C1orf167: variants seen among roughly 807,000 people sequenced by gnomAD.
C1orf167 encodes the protein chromosome 1 open reading frame 167, also known as uncharacterized protein C1orf167.
A neutral mutation model predicts 176.5 loss-of-function variants in C1orf167; 153 were observed. That is an observed-to-expected ratio of 0.87 (90% confidence interval 0.76 to 0.99). The LOEUF is 0.99. Among genes scored for constraint, C1orf167 ranks in the 50% least tolerant of loss-of-function variants. The pLI is 0.00. For missense variants in C1orf167, 1,490 were observed against 1,817.7 expected, an observed-to-expected ratio of 0.82 and a Z score of 3.28; for synonymous variants, 594 against 752.7, an observed-to-expected ratio of 0.79 and a Z score of 3.45.
At chr1:11,779,477 G>T (rs564971269) in intron 12 of C1orf167, 7 of 226,214 alleles carry the variant, frequency 3.1e-5, no homozygotes, top group Non-Finnish European at 6.3e-5. Context: ...GGGCAATGGC[G>T]AGGCACGGCA....
intron 14 of C1orf167, among the ~76,000 whole-genome samples, chr1:11,782,660 C>T (rs542276060): frequency 2.6e-5 from 4 of 152,206 alleles, no homozygotes; most frequent in African/African-American, 7.2e-5. Flanking sequence ...GTGGATCATA[C>T]CTATAATCCC....
At chr1:11,774,492 T>C (rs1484834332) in intron 8 of C1orf167, among the ~76,000 whole-genome samples, 1 of 152,232 alleles carries the variant, frequency 6.6e-6, no homozygotes, top group Non-Finnish European at 1.5e-5. Context: ...CTGTGAGAAT[T>C]TTTAGTGCAG....
chr1:11,772,733 A>G (rs1405157926), intron 8 of C1orf167, among the ~76,000 whole-genome samples: 3 of 152,182 alleles, frequency 2.0e-5, no homozygotes, highest in Non-Finnish European at 4.4e-5. Context: ...ACCTCTGCCC[A>G]TCATCACAGT....
At chr1:11,765,214 T>C (rs540102867) in intron 2 of C1orf167, among the ~76,000 whole-genome samples, 1 of 152,244 alleles carries the variant, frequency 6.6e-6, no homozygotes, top group Admixed American at 6.5e-5. Flanking sequence ...TGAGCTTTAG[T>C]TCCCATCCAC....
intron 12 of C1orf167, 115 bp from the exon 13 acceptor site, chr1:11,779,685 AAG>A (rs1384510206): frequency 3.9e-6 from 3 of 772,452 alleles, no homozygotes; most frequent in Non-Finnish European, 5.5e-6. Flanking sequence ...ATGGAAACAG[AAG>A]AGTCACCCAG....
intron 8 of C1orf167, among the ~76,000 whole-genome samples, chr1:11,773,367 C>T (rs1362928239): frequency 6.6e-6 from 1 of 152,112 alleles, no homozygotes; most frequent in Non-Finnish European, 1.5e-5. Flanking sequence ...ACCATTTCAT[C>T]CATAAATATT....
rs1347746921 is a variant in C1orf167 at position 11,768,795 on chromosome 1, T to A, written c.1543-178T>A. On this transcript the variant is annotated intron_variant, in intron 5 of 20. Transcript: ENST00000688073. This position sits in a 1 kb window ranked among gnomAD's most constrained non-coding sequence, Gnocchi z 4.5. Reference sequence around the variant, plus strand: ...CTCTTGGGATGCATCGCTCTATATTTGTTCATTCATTCATTCCTTCATTCC... The same window carrying A: ...CTCTTGGGATGCATCGCTCTATATTAGTTCATTCATTCATTCCTTCATTCC... 6.6e-6 allele frequency among the ~76,000 whole-genome samples: 1 copy of A among 152,138 alleles called. No homozygotes were observed. Among genetic ancestry groups the A allele is most frequent in the Non-Finnish European group, 1.5e-5 (1 of 68,014 alleles).
Position 11,776,516 on chromosome 1 carries a change from G to T in C1orf167, c.2217G>T (p.Val739=). ...AGPGACGLGA[V]GQAQGQQEQG... is the part of the protein sequence containing the mutation. ...CTGGAGCCTGTGGCCTGGGTGCAGT[G>T]GGCCAGGCCCAGGGGCAGCAGGAGC... The change falls in exon 10 of 21, where the codon GTG becomes GTT. Residue 739 remains valine, a synonymous_variant. Coordinates refer to ENST00000688073, the MANE Select transcript of C1orf167 (RefSeq NM_001010881.2). The T allele has an allele frequency of 7.7e-7, 1 of 1,299,588 alleles. No individual in the cohort carries two copies. The highest frequency in any genetic ancestry group is 2.3e-5 in the Admixed American group (1 of 42,662). The allele number at this position is 1,299,588 out of a possible 1,614,324, so 80.5% of individuals were successfully genotyped here.
At chr1:11,765,776 C>T (rs1416497846) in intron 2 of C1orf167, 81 bp from the exon 3 acceptor site, 10 of 1,149,280 alleles carry the variant, frequency 8.7e-6, no homozygotes, top group East Asian at 1.3e-4. Context: ...TGTCCCCTCC[C>T]TGGCTCCGAG....
intron 2 of C1orf167, among the ~76,000 whole-genome samples, chr1:11,764,790 C>T (rs1642704563): frequency 6.6e-6 from 1 of 152,124 alleles, no homozygotes; most frequent in Non-Finnish European, 1.5e-5. Context: ...CGTGGTGGCT[C>T]ACGCTTGTAA....
At chr1:11,765,788 C>A (rs1332224634) in intron 2 of C1orf167, 69 bp from the exon 3 acceptor site, 22 of 1,168,192 alleles carry the variant, frequency 1.9e-5, no homozygotes, top group Non-Finnish European at 2.4e-5. Context: ...GGCTCCGAGG[C>A]CTGGAGAGCT....
intron 6 of C1orf167, 141 bp downstream of exon 6, chr1:11,769,268 C>G (rs1312326310): frequency 2.8e-6 from 2 of 715,992 alleles, no homozygotes; most frequent in South Asian, 6.3e-5. Context: ...AGATGTCCAT[C>G]ATGGCATCAT....
Position 11,767,102 on chromosome 1 carries a change from GCTGGA to G in C1orf167, c.1299+18_1299+22del, listed in dbSNP as rs1239025286. 2 of 1,253,920 alleles carry G rather than the reference GCTGGA, an allele frequency of 1.6e-6. No individual in the cohort carries two copies. Among genetic ancestry groups the G allele is most frequent in the Non-Finnish European group, 2.1e-6 (2 of 968,984 alleles). The allele number at this position is 1,253,920 out of a possible 1,614,324, so 77.7% of individuals were successfully genotyped here. A position where few individuals can be genotyped will look rare whatever the true frequency, so the allele number is the denominator to read the frequency against. On this transcript the variant is annotated intron_variant, in intron 3 of 20. Transcript: ENST00000688073. ...GCGTCGAAGGTAGAGGCCCGGGGAGGCTGGAGGTGGGGTAGGGGGTAGGAGGTGTT... is the reference window on the plus strand; with the variant it reads ...GCGTCGAAGGTAGAGGCCCGGGGAGGGGTGGGGTAGGGGGTAGGAGGTGTT...
At position 11,784,233 on chromosome 1, in the gene C1orf167, A is replaced by C. The variant is rs1463494726; in HGVS notation, c.3065A>C (p.Gln1022Pro). 1 of 1,290,710 alleles carries C rather than the reference A, an allele frequency of 7.7e-7. No homozygotes were observed. Among genetic ancestry groups the C allele is most frequent in the Non-Finnish European group, 1.0e-6 (1 of 981,666 alleles). The allele number at this position is 1,290,710 out of a possible 1,614,324, so 80.0% of individuals were successfully genotyped here. ...ACGGGGGTGCTCCGGGCCCAGCATC[A>C]AGCCTTTCAGGATGGCCTGAGGAGA... Reference protein sequence around the residue: ...RDTGVLRAQHQAFQDGLRRRA... With the variant: ...RDTGVLRAQHPAFQDGLRRRA... The change falls in exon 15 of 21, where the codon CAA (glutamine) becomes CCA (proline). Residue 1022 changes from glutamine to proline, a missense_variant. Coordinates refer to ENST00000688073, the MANE Select transcript of C1orf167 (RefSeq NM_001010881.2).
Position 11,782,246 on chromosome 1 carries a change from T to C in C1orf167, c.2918T>C (p.Leu973Pro). 7.7e-6 allele frequency: 10 copies of C among 1,301,650 alleles called. No individual in the cohort carries two copies. Among genetic ancestry groups the C allele is most frequent in the Non-Finnish European group, 1.0e-5 (10 of 988,048 alleles). 80.6% of individuals were successfully genotyped at this position (1,301,650 alleles called of 1,614,324 possible). The change falls in exon 14 of 21, where the codon CTG (leucine) becomes CCG (proline). Residue 973 changes from leucine (L) to proline (P), a missense_variant. Physicochemically the swap from Leu to Pro is moderately conservative, Grantham distance 98. Coordinates refer to ENST00000688073, the MANE Select transcript of C1orf167 (RefSeq NM_001010881.2). ...TGGGTGCAGGTCCACCTCCAGGGCC[T>C]GCAGAAGGTGGTGTTCCGGAGCTGG... ...QTWVQVHLQG[L>P]QKVVFRSWQQ... is the part of the protein sequence containing the mutation.
Position 11,779,849 on chromosome 1 carries a change from G to A in C1orf167, c.2699G>A (p.Arg900Lys). 1 of 1,303,290 alleles carries A rather than the reference G, an allele frequency of 7.7e-7. No homozygotes were observed. Among genetic ancestry groups the A allele is most frequent in the Non-Finnish European group, 1.0e-6 (1 of 988,926 alleles). 80.7% of individuals were successfully genotyped at this position (1,303,290 alleles called of 1,614,324 possible). A position where few individuals can be genotyped will look rare whatever the true frequency, so the allele number is the denominator to read the frequency against. ...TGGGCAACAGCCCAATGGGCCTGGA[G>A]AGAGCTGGCTTCCCACCGGGCCTGG... The part of the protein sequence containing the change: ...SRWATAQWAW[R>K]ELASHRAWDR... The change falls in exon 13 of 21, where the codon AGA (arginine) becomes AAA (lysine). Residue 900 changes from arginine to lysine, a missense_variant. Coordinates refer to ENST00000688073, the MANE Select transcript of C1orf167 (RefSeq NM_001010881.2).
intron 8 of C1orf167, among the ~76,000 whole-genome samples, chr1:11,773,290 T>C (rs1046401818): frequency 6.6e-6 from 1 of 152,220 alleles, no homozygotes; most frequent in African/African-American, 2.4e-5. Flanking sequence ...CTCTTGAAGC[T>C]TGTTTCATGT....
At position 11,779,100 on chromosome 1, in the gene C1orf167, C is replaced by T. The variant is rs557041405; in HGVS notation, c.2651+20C>T. The T allele has an allele frequency of 2.8e-3, 3,373 of 1,224,020 alleles. 5 individuals carry two copies. The highest frequency in any genetic ancestry group is 4.7e-3 in the African/African-American group (297 of 63,382). The allele number at this position is 1,224,020 out of a possible 1,614,324, so 75.8% of individuals were successfully genotyped here. ...GAGGCGGTAGGGATCCCTCCCCATC[C>T]GCCCGCCACTCTATGGACTTACTGT... On this transcript the variant is annotated intron_variant, in intron 12 of 20. Coordinates refer to ENST00000688073, the MANE Select transcript of C1orf167 (RefSeq NM_001010881.2).
chr1:11,766,949 C>A lies in C1orf167; in HGVS notation c.1163C>A (p.Ala388Asp), dbSNP rs1225593631. ...AGGGGGACCGACCCCTGTTCCTCAGCCTTCTCCAACACAGCCTGGGGAGTC... is the reference window on the plus strand; with the variant it reads ...AGGGGGACCGACCCCTGTTCCTCAGACTTCTCCAACACAGCCTGGGGAGTC... ...GSRGTDPCSS[A>D]FSNTAWGVSP... Residue 388 changes from alanine (A) to aspartate (D), a missense_variant, in exon 3 of 21, where the codon GCC becomes GAC. Transcript: ENST00000688073. This position sits in a 1 kb window ranked among gnomAD's most constrained non-coding sequence, Gnocchi z 4.5. 8.3e-7 allele frequency: 1 copy of A among 1,208,994 alleles called. No individual in the cohort carries two copies. Among genetic ancestry groups the A allele is most frequent in the Admixed American group, 3.1e-5 (1 of 32,518 alleles). The allele number at this position is 1,208,994 out of a possible 1,614,324, so 74.9% of individuals were successfully genotyped here.
Sources: gnomAD v4.1 joint callset for allele counts (sites outside exome capture counted in the v4.1 genomes callset) on GRCh38, gnomAD v4.1.1 for gene constraint, Gnocchi (gnomAD v3.1) non-coding constraint, MANE v1.5 for transcripts, NCBI Gene and HGNC (gene_info 2026-07-23, HGNC 2026-07-21) for gene names.